The following BSPH1 variants were observed in gnomAD, a reference collection of about 807,000 sequenced individuals.
BSPH1 encodes the protein binder of sperm 1.
A neutral mutation model predicts 22.5 loss-of-function variants in BSPH1; 21 were observed. The observed-to-expected ratio is 0.93, with a 90% confidence interval of 0.66 to 1.35. BSPH1 has a LOEUF of 1.35. Among genes scored for constraint, BSPH1 ranks in the 40% most tolerant of loss-of-function variants. BSPH1 has a pLI of 0.00. For synonymous variants in BSPH1, 42 were observed against 53.6 expected, an observed-to-expected ratio of 0.78 and a Z score of 0.95; for missense variants, 141 against 154.2, an observed-to-expected ratio of 0.91 and a Z score of 0.45.
chr19:47,987,844 A>T (rs569112590), intron 1 of BSPH1, among the ~76,000 whole-genome samples: 1 of 152,136 alleles, frequency 6.6e-6, no homozygotes, highest in African/African-American at 2.4e-5. Flanking sequence ...TTACAAAAAA[A>T]TTAGCTGGGC....
At chr19:47,971,439 C>G (rs1198973036) in intron 5 of BSPH1, among the ~76,000 whole-genome samples, 3 of 152,218 alleles carry the variant, frequency 2.0e-5, no homozygotes, top group African/African-American at 7.2e-5. Context: ...TTTCTGACCT[C>G]AGGTGATCTG....
intron 5 of BSPH1, among the ~76,000 whole-genome samples, chr19:47,973,768 C>T (rs1250253352): frequency 1.3e-5 from 2 of 152,208 alleles, no homozygotes; most frequent in Admixed American, 6.5e-5. Flanking sequence ...TGCTCTGACG[C>T]AGCAAGAAGA....
chr19:47,977,460 A>C lies in BSPH1; in HGVS notation c.169T>G (p.Tyr57Asp). 1 of 1,551,752 alleles carries C rather than the reference A, an allele frequency of 6.4e-7. No individual in the cohort carries two copies. The highest frequency in any genetic ancestry group is 2.0e-5 in the Admixed American group (1 of 50,986). The change falls in exon 4 of 6, where the codon TAT becomes GAT. Residue 57 changes from tyrosine to aspartate, a missense_variant. By Grantham distance (160) the Tyr-to-Asp change is radical. Coordinates refer to ENST00000344839, the MANE Select transcript of BSPH1 (RefSeq NM_001128326.2). ...FPFHYKNGTY[Y>D]DCIKSKARHK... ...CTTGCCTTGGACTTGATGCAGTCATAATATGTTCCATTTTTATAGTGGAAT... is the reference window on the plus strand; with the variant it reads ...CTTGCCTTGGACTTGATGCAGTCATCATATGTTCCATTTTTATAGTGGAAT...
chr19:47,976,263 T>C (rs56926527), intron 5 of BSPH1, among the ~76,000 whole-genome samples: 22,473 of 152,142 alleles, frequency 0.15, 1,956 homozygotes, highest in African/African-American at 0.21. Flanking sequence ...TAGCTGAGAC[T>C]ACAAGTGTGT....
At chr19:47,971,574 G>C (rs1969311858) in intron 5 of BSPH1, among the ~76,000 whole-genome samples, 1 of 152,122 alleles carries the variant, frequency 6.6e-6, no homozygotes, top group Non-Finnish European at 1.5e-5. Flanking sequence ...TTCTTTGACC[G>C]AATCCCTCTC....
intron 5 of BSPH1, among the ~76,000 whole-genome samples, chr19:47,968,574 G>A (rs1969279429): frequency 6.7e-6 from 1 of 150,038 alleles, no homozygotes; most frequent in Non-Finnish European, 1.5e-5. Context: ...GATGACTTGA[G>A]CTTAGGAGTT....
intron 5 of BSPH1, among the ~76,000 whole-genome samples, chr19:47,975,091 A>G (rs1969349313): frequency 6.6e-6 from 1 of 152,176 alleles, no homozygotes; most frequent in South Asian, 2.1e-4. Context: ...ACCAGTTTCT[A>G]CCGAAGGTGA....
chr19:47,980,970 T>TA (rs771733894), intron 1 of BSPH1, 29 bp from the exon 2 acceptor site: 1 of 1,263,838 alleles, frequency 7.9e-7, no homozygotes, highest in South Asian at 1.5e-5. Context: ...AACAAATATT[T>TA]ATGTCACTTT....
In BSPH1 at chr19:47,973,226, ATAATAATAATAATAAT is replaced by A. The variant is rs1568395395; in HGVS notation, c.*2+3468_*2+3483del. Among the ~76,000 whole-genome samples the A allele has an allele frequency of 8.1e-3, 823 of 101,668 alleles. 12 individuals carry two copies. The highest frequency in any genetic ancestry group is 0.025 in the African/African-American group (758 of 29,838). The allele number at this position is 101,668 out of a possible 152,430, so 66.7% of individuals were successfully genotyped here. A position where few individuals can be genotyped will look rare whatever the true frequency, so the allele number is the denominator to read the frequency against. On this transcript the variant is annotated intron_variant, in intron 5 of 5. Transcript: ENST00000344839. Reference sequence around the variant, plus strand: ...AGCGAGACTCCGTCTCAAAATAATAATAATAATAATAATAATAATAATAATAATAATAATAATGTAG... The same window carrying A: ...AGCGAGACTCCGTCTCAAAATAATAAAATAATAATAATAATAATAATGTAG...
intron 5 of BSPH1, among the ~76,000 whole-genome samples, chr19:47,972,789 A>T (rs1969321899): frequency 6.6e-6 from 1 of 152,110 alleles, no homozygotes; most frequent in African/African-American, 2.4e-5. Context: ...TTAAAAAATT[A>T]AAAAATTCCC....
chr19:47,978,001 G>GAGATATAT (rs376259844), intron 3 of BSPH1, among the ~76,000 whole-genome samples: 5 of 110,458 alleles, frequency 4.5e-5, no homozygotes, highest in African/African-American at 1.7e-4. Context: ...GTTAATACAG[G>GAGATATAT]ATATATATAT....
chr19:47,971,162 G>A (rs1199015044), intron 5 of BSPH1, among the ~76,000 whole-genome samples: 1 of 151,998 alleles, frequency 6.6e-6, no homozygotes, highest in Non-Finnish European at 1.5e-5. Flanking sequence ...CCTTTCCAGC[G>A]ATTTTGTGAG....
intron 1 of BSPH1, among the ~76,000 whole-genome samples, chr19:47,991,397 T>C (rs539414279): frequency 1.1e-4 from 16 of 150,798 alleles, no homozygotes; most frequent in African/African-American, 3.9e-4. Flanking sequence ...CTTGTCCCTC[T>C]CCTTTTTCAC....
intron 5 of BSPH1, among the ~76,000 whole-genome samples, chr19:47,973,218 A>AAATAATAATAATAATAATAAT (rs60548503): frequency 7.6e-6 from 1 of 132,120 alleles, no homozygotes; most frequent in Non-Finnish European, 1.6e-5. Context: ...CTCCGTCTCA[A>AAATAATAATAATAATAATAAT]AATAATAATA....
chr19:47,981,369 C>G (rs1308502090), intron 1 of BSPH1, among the ~76,000 whole-genome samples: 2 of 152,118 alleles, frequency 1.3e-5, no homozygotes, highest in Admixed American at 6.5e-5. Context: ...AAACCTCTTC[C>G]TCTAGGAGGG....
intron 5 of BSPH1, among the ~76,000 whole-genome samples, chr19:47,970,128 G>C (rs1969299038): frequency 6.6e-6 from 1 of 151,996 alleles, no homozygotes; most frequent in Admixed American, 6.6e-5. Flanking sequence ...GCACGATCTT[G>C]GCTCACTGCA....
chr19:47,979,718 G>C (rs1969400644), intron 2 of BSPH1, 119 bp from the exon 3 acceptor site: 1 of 450,470 alleles, frequency 2.2e-6, no homozygotes, highest in South Asian at 4.5e-5. Flanking sequence ...TATTGTTATG[G>C]CATTATGTTT....
intron 5 of BSPH1, among the ~76,000 whole-genome samples, chr19:47,969,687 GAGA>G (rs1969291796): frequency 1.6e-3 from 68 of 43,236 alleles, no homozygotes; most frequent in African/African-American, 2.7e-3. Context: ...GAGAGGGGGA[GAGA>G]GAGAGAGAGA....
intron 5 of BSPH1, among the ~76,000 whole-genome samples, chr19:47,970,523 A>G (rs1483195548): frequency 6.6e-6 from 1 of 152,200 alleles, no homozygotes; most frequent in Non-Finnish European, 1.5e-5. Context: ...GATAGTACAA[A>G]GGTTGACTTG....
Sources: gnomAD v4.1 joint callset for allele counts (sites outside exome capture counted in the v4.1 genomes callset) on GRCh38, gnomAD v4.1.1 for gene constraint, MANE v1.5 for transcripts, NCBI Gene and HGNC (gene_info 2026-07-23, HGNC 2026-07-21) for gene names.